Variants in TBL1X observed in about 807,000 individuals in gnomAD.
TBL1X encodes the protein F-box-like/WD repeat-containing protein TBL1X.
TBL1X carries 10 observed loss-of-function variants against 50.7 expected under a neutral mutation model. That is an observed-to-expected ratio of 0.20 (90% confidence interval 0.12 to 0.33). The LOEUF (loss-of-function observed/expected upper bound fraction) is 0.33. TBL1X is among the 10% of genes least tolerant of loss of function. The probability of loss-of-function intolerance (pLI) is 1.00; values close to 1 mark genes in which losing one functional copy is unlikely to be tolerated. For missense variants in TBL1X, 340 were observed against 504.4 expected (o/e 0.67, Z 3.12); for synonymous variants, 190 against 214.7 (o/e 0.88, Z 1.01).
intron 7 of TBL1X, among the ~76,000 whole-genome samples, chrX:9,689,152 G>A (rs1276947792): frequency 1.8e-5 from 2 of 113,294 alleles, no homozygotes; most frequent in African/African-American, 6.4e-5. Context: ...ATGTGTGTGT[G>A]TTCTTCCTTA....
At chrX:9,559,219 C>T (rs190554645) in intron 2 of TBL1X, among the ~76,000 whole-genome samples, 8 of 112,189 alleles carry the variant, frequency 7.1e-5, no homozygotes, top group African/African-American at 1.9e-4. Context: ...GTCTCAGCTT[C>T]GTCTCCTTTG....
At chrX:9,694,082 G>A (rs1021739032) in intron 11 of TBL1X, among the ~76,000 whole-genome samples, 9 of 111,045 alleles carry the variant, frequency 8.1e-5, no homozygotes, top group African/African-American at 2.6e-4. Context: ...CAGCAACCTC[G>A]GCCTCTGTGC....
At chrX:9,668,613 G>T (rs1331277902) in intron 5 of TBL1X, among the ~76,000 whole-genome samples, 1 of 112,263 alleles carries the variant, frequency 8.9e-6, no homozygotes, top group East Asian at 2.8e-4. Context: ...ACTTATGGCA[G>T]TATAGTTATT....
chrX:9,683,650 T>C (rs887538077), intron 5 of TBL1X, among the ~76,000 whole-genome samples: 2 of 111,626 alleles, frequency 1.8e-5, no homozygotes, highest in Non-Finnish European at 3.8e-5. Flanking sequence ...GGCTTCAGCA[T>C]GAGCTTCTGC....
At chrX:9,676,543 T>C (rs58194406) in intron 5 of TBL1X, among the ~76,000 whole-genome samples, 2,516 of 112,396 alleles carry the variant, frequency 0.022, 65 homozygotes, top group African/African-American at 0.078. Context: ...CCAGATGTTA[T>C]GGCAAAACCG....
chrX:9,665,982 AT>A (rs1390284567), intron 5 of TBL1X, among the ~76,000 whole-genome samples: 1 of 111,589 alleles, frequency 9.0e-6, no homozygotes, highest in Non-Finnish European at 1.9e-5. Flanking sequence ...TTAGAGAAGC[AT>A]GCTGTCAGCC....
intron 2 of TBL1X, among the ~76,000 whole-genome samples, chrX:9,581,479 C>G (rs2082441571): frequency 9.0e-6 from 1 of 111,116 alleles, no homozygotes; most frequent in African/African-American, 3.3e-5. Context: ...GATTGGGCAC[C>G]CCTCCGCAAC....
At chrX:9,618,136 A>G (rs772426491) in intron 2 of TBL1X, among the ~76,000 whole-genome samples, 5 of 111,735 alleles carry the variant, frequency 4.5e-5, no homozygotes, top group Non-Finnish European at 9.4e-5. Context: ...AAATATAAGG[A>G]TCTTAGTCTT....
intron 3 of TBL1X, among the ~76,000 whole-genome samples, chrX:9,643,896 TTA>T (rs1277892563): frequency 9.0e-6 from 1 of 111,192 alleles, no homozygotes; most frequent in Non-Finnish European, 1.9e-5. Flanking sequence ...ACACTAAGAT[TTA>T]TATGAGATCC....
intron 1 of TBL1X, among the ~76,000 whole-genome samples, chrX:9,497,631 C>T (rs999834622): frequency 9.1e-6 from 1 of 109,751 alleles, no homozygotes; most frequent in Non-Finnish European, 1.9e-5. Context: ...TTCAAACTTT[C>T]TCTTCATATC....
intron 2 of TBL1X, among the ~76,000 whole-genome samples, chrX:9,555,213 C>G (rs1342955244): frequency 9.0e-6 from 1 of 110,796 alleles, no homozygotes; most frequent in Non-Finnish European, 1.9e-5. Flanking sequence ...ATAGCTGGGA[C>G]TACAGGCAGA....
intron 2 of TBL1X, among the ~76,000 whole-genome samples, chrX:9,609,336 G>GGTT (rs1555900203): frequency 1.4e-4 from 13 of 94,773 alleles, no homozygotes; most frequent in African/African-American, 5.3e-4. Context: ...TTTTCTTCCA[G>GGTT]GTGTGTGTGT....
rs12013979 is a variant in TBL1X, at chrX:9,607,175, C to G, written c.-130-33098C>G. 4.1e-3 allele frequency among the ~76,000 whole-genome samples: 462 copies of G among 112,316 alleles called. 1 individual carries two copies. The highest frequency in any genetic ancestry group is 0.014 in the African/African-American group (440 of 30,957). On this transcript the variant is annotated intron_variant, in intron 2 of 17. Transcript: ENST00000645353. ...TGGGCCCTGAAGTCAGGGCCATAAA[C>G]ACAGAGCACAGTCCTAAGGGCAAAC...
At chrX:9,635,528 G>A (rs2082741962) in intron 2 of TBL1X, among the ~76,000 whole-genome samples, 1 of 111,861 alleles carries the variant, frequency 8.9e-6, no homozygotes, top group Non-Finnish European at 1.9e-5. Context: ...TGCTCAGTCT[G>A]CAGTGGCAGC....
chrX:9,650,739 A>AT (rs1207385465), intron 3 of TBL1X, among the ~76,000 whole-genome samples: 1 of 111,725 alleles, frequency 9.0e-6, no homozygotes, highest in Non-Finnish European at 1.9e-5. Flanking sequence ...TAAAACTTCA[A>AT]TTTTTCAAAC....
At chrX:9,496,138 G>T (rs973261904) in intron 1 of TBL1X, among the ~76,000 whole-genome samples, 5 of 112,399 alleles carry the variant, frequency 4.4e-5, no homozygotes, top group Non-Finnish European at 9.4e-5. Context: ...CAGTGTGTCC[G>T]TTTGGCCCTC....
chrX:9,495,289 G>A (rs912610859), intron 1 of TBL1X, among the ~76,000 whole-genome samples: 1 of 111,566 alleles, frequency 9.0e-6, no homozygotes, highest in Non-Finnish European at 1.9e-5. Flanking sequence ...AGGAATTGTC[G>A]AGGGCGGAGG....
intron 5 of TBL1X, among the ~76,000 whole-genome samples, chrX:9,654,551 G>T (rs2082855060): frequency 8.9e-6 from 1 of 111,740 alleles, no homozygotes; most frequent in Non-Finnish European, 1.9e-5. Flanking sequence ...AATCAGGCAG[G>T]AATCAAGAGC....
At chrX:9,571,988 G>A (rs926029106) in intron 2 of TBL1X, among the ~76,000 whole-genome samples, 3 of 111,801 alleles carry the variant, frequency 2.7e-5, no homozygotes, top group Non-Finnish European at 5.6e-5. Context: ...TTCATGCATC[G>A]ATGGACAGTT....
Sources: allele counts gnomAD v4.1 joint callset (sites outside exome capture counted in the v4.1 genomes callset), GRCh38; gene constraint gnomAD v4.1.1; transcripts MANE v1.5; gene names NCBI Gene and HGNC (gene_info 2026-07-23, HGNC 2026-07-21).